Variants in ZNF446 observed in about 807,000 individuals in gnomAD.
The protein encoded by ZNF446 is zinc finger protein with KRAB and SCAN domains 20.
A neutral mutation model predicts 34.0 loss-of-function variants in ZNF446; 42 were observed. The ratio of observed to expected loss-of-function variants is 1.23; its 90% confidence interval spans 0.96 to 1.60. The LOEUF (loss-of-function observed/expected upper bound fraction) is 1.60, where lower values mean the gene tolerates loss of function less well. Ranked by LOEUF, ZNF446 falls within the 40% of genes most tolerant of loss-of-function variation. ZNF446 has a pLI of 0.00. For synonymous variants in ZNF446, 315 were observed against 251.0 expected (o/e 1.25, Z -2.41); for missense variants, 650 against 600.2 (o/e 1.08, Z -0.87).
At chr19:58,476,805 C>A (rs2053089950) in intron 1 of ZNF446, among the ~76,000 whole-genome samples, 2 of 152,074 alleles carry the variant, frequency 1.3e-5, no homozygotes, top group African/African-American at 4.8e-5. Flanking sequence ...CCACCCTGGT[C>A]CACTCTCCTC....
chr19:58,486,705 A>AG, the ZNF446 span, among the ~76,000 whole-genome samples: 10 of 121,924 alleles, frequency 8.2e-5, no homozygotes, highest in African/African-American at 3.6e-4. Flanking sequence ...CACCGCACCC[A>AG]GCTTTTTTTT....
chr19:58,488,673 A>G, the ZNF446 span, among the ~76,000 whole-genome samples: 1 of 152,016 alleles, frequency 6.6e-6, no homozygotes, highest in East Asian at 1.9e-4. Context: ...AACATGGTGG[A>G]ACCCCGTCTC....
intron 1 of ZNF446, 25 bp from the exon 2 acceptor site, chr19:58,477,154 C>A: frequency 7.1e-7 from 1 of 1,412,796 alleles, no homozygotes; most frequent in Non-Finnish European, 9.5e-7. Flanking sequence ...TCTTGGCTGA[C>A]ATTCCGACCC....
rs902903553 is a variant in ZNF446, at chr19:58,477,123, T to C, written c.-40-56T>C. ...AGCCCCCTGGGCTGAGCCTGGTGTCTGCCTTCCCCTGGCCAGATTCTCTTG... is the reference window on the plus strand; with the variant it reads ...AGCCCCCTGGGCTGAGCCTGGTGTCCGCCTTCCCCTGGCCAGATTCTCTTG... On this transcript the variant is annotated intron_variant, in intron 1 of 6. Coordinates refer to ENST00000594369, the MANE Select transcript of ZNF446 (RefSeq NM_017908.4). 52 of 1,142,128 alleles carry C rather than the reference T, an allele frequency of 4.6e-5. No individual in the cohort carries two copies. The Middle Eastern group carries it at 1.5e-3, about 34-fold the overall frequency. 70.7% of individuals were successfully genotyped at this position (1,142,128 alleles called of 1,614,324 possible).
In ZNF446 at chr19:58,478,182, G is replaced by A; in HGVS notation, c.627+1G>A. ...ATCCTTCCACCCACCCAGGATTCAG[G>A]TGAGCAGCCCCAAGTGGGAAGTATA... is the stretch of plus-strand genomic sequence containing the variant. On this transcript the variant is annotated splice_donor_variant, in intron 4 of 6. Coordinates refer to ENST00000594369, the MANE Select transcript of ZNF446 (RefSeq NM_017908.4). LOFTEE classifies it high-confidence loss of function. The A allele has an allele frequency of 6.2e-7, 1 of 1,613,680 alleles. No individual in the cohort carries two copies. Among genetic ancestry groups the A allele is most frequent in the Non-Finnish European group, 8.5e-7 (1 of 1,179,704 alleles).
downstream of ZNF446, among the ~76,000 whole-genome samples, chr19:58,482,526 G>A (rs931494451): frequency 6.6e-6 from 1 of 152,182 alleles, no homozygotes; most frequent in Non-Finnish European, 1.5e-5. Context: ...CCAGCTGCTG[G>A]TATGTGCAGC....
Position 58,477,203 on chromosome 19 carries a change from AC to A in ZNF446, c.-11del. On this transcript the variant is annotated 5_prime_UTR_variant, in exon 2 of 7. Coordinates refer to ENST00000594369, the MANE Select transcript of ZNF446 (RefSeq NM_017908.4). ...GGCCCATCTTGACGATTCCAAGACC[AC>A]CCCCTTGAGCAAGAATGCCATCCCC... 6.5e-7 allele frequency: 1 copy of A among 1,531,440 alleles called. No individual in the cohort carries two copies. 94.9% of individuals were successfully genotyped at this position (1,531,440 alleles called of 1,614,324 possible).
rs2053102446 is a variant in ZNF446 at position 58,477,806 on chromosome 19, A to G, written c.512A>G (p.Asn171Ser). The part of the protein sequence containing the change: ...QLSCSVKEEP[N>S]VDGQEVAPSS... ...AGCTGCAGTGTGAAGGAGGAGCCCA[A>G]TGTCGATGGACAGGAAGTGGGTGAG... Residue 171 changes from asparagine to serine, a missense_variant, in exon 3 of 7, where the codon AAT (asparagine) becomes AGT (serine). Transcript: ENST00000594369. 1 of 1,572,040 alleles carries G rather than the reference A, an allele frequency of 6.4e-7. No individual in the cohort carries two copies. Among genetic ancestry groups the G allele is most frequent in the Middle Eastern group, 1.7e-4 (1 of 5,844 alleles).
At position 58,480,299 on chromosome 19, in the gene ZNF446, C is replaced by T. The variant is rs530628451; in HGVS notation, c.926C>T (p.Pro309Leu). 1.4e-5 allele frequency: 22 copies of T among 1,578,250 alleles called. No homozygotes were observed. Among genetic ancestry groups the T allele is most frequent in the South Asian group, 5.7e-5 (5 of 87,292 alleles). Reference sequence around the variant, plus strand: ...GCCCCCACTGTGCGCCCAGGGACACCGCCAGTGCCCACTCAGCCCACACCT... The same window carrying T: ...GCCCCCACTGTGCGCCCAGGGACACTGCCAGTGCCCACTCAGCCCACACCT... ...TPAPTVRPGT[P>L]PVPTQPTPAE... Residue 309 changes from proline to leucine, a missense_variant, in exon 7 of 7, where the codon CCG becomes CTG. Transcript: ENST00000594369. This position sits in a 1 kb window ranked among gnomAD's most constrained non-coding sequence, Gnocchi z 7.2.
At chr19:58,478,579 G>T (rs1297948883) in intron 4 of ZNF446, among the ~76,000 whole-genome samples, 1 of 151,862 alleles carries the variant, frequency 6.6e-6, no homozygotes, top group Non-Finnish European at 1.5e-5. Flanking sequence ...CAGGACAATT[G>T]CTTGAACCCA....
chr19:58,476,534 G>A (rs1000760193), intron 1 of ZNF446, 30 bp downstream of exon 1: 26 of 152,250 alleles, frequency 1.7e-4, no homozygotes, highest in African/African-American at 5.3e-4. Flanking sequence ...GACCTTCAGG[G>A]CCGGGATGCT....
At chr19:58,478,812 A>G (rs2053112319) in intron 4 of ZNF446, among the ~76,000 whole-genome samples, 1 of 151,726 alleles carries the variant, frequency 6.6e-6, no homozygotes, top group African/African-American at 2.4e-5. Context: ...AGACCTGGGG[A>G]TTTGAACTTT....
At chr19:58,482,149 C>A (rs2053145024), downstream of ZNF446, among the ~76,000 whole-genome samples, 1 of 152,112 alleles carries the variant, frequency 6.6e-6, no homozygotes, top group African/African-American at 2.4e-5. Context: ...AGAGAATAAT[C>A]CATTTTGTTG....
intron 3 of ZNF446, 111 bp from the exon 4 acceptor site, chr19:58,477,976 A>G: frequency 7.5e-7 from 1 of 1,329,176 alleles, no homozygotes; most frequent in Non-Finnish European, 1.0e-6. Flanking sequence ...CCTGGGAGGC[A>G]GGAGCCAAGG....
chr19:58,487,083 G>A, the ZNF446 span, among the ~76,000 whole-genome samples: 2 of 152,176 alleles, frequency 1.3e-5, no homozygotes, highest in Admixed American at 6.5e-5. Flanking sequence ...GAGCCACTGC[G>A]CCTGGCCGAA....
At chr19:58,484,270 C>CG (rs2053157649), downstream of ZNF446, among the ~76,000 whole-genome samples, 1 of 98,298 alleles carries the variant, frequency 1.0e-5, no homozygotes, top group Admixed American at 1.1e-4. Flanking sequence ...GACCCCATCT[C>CG]TAAAAAAAAA....
rs764979884 is a variant in ZNF446 at position 58,480,363 on chromosome 19, G to A, written c.990G>A (p.Lys330=). ...TGGAGCCGGCTGCCACCCCCAGGAA[G>A]CCCTACACGTGCGAGCAGTGTGGCC... The part of the protein sequence containing the change: ...TRLEPAATPR[K]PYTCEQCGRG... Residue 330 remains lysine (K), a synonymous_variant, in exon 7 of 7, where the codon AAG becomes AAA. Coordinates refer to ENST00000594369, the MANE Select transcript of ZNF446 (RefSeq NM_017908.4). This position sits in a 1 kb window ranked among gnomAD's most constrained non-coding sequence, Gnocchi z 7.2. The A allele has an allele frequency of 1.9e-6, 3 of 1,606,164 alleles. No homozygotes were observed. Among genetic ancestry groups the A allele is most frequent in the Middle Eastern group, 1.7e-4 (1 of 6,050 alleles).
At chr19:58,487,568 G>C in the ZNF446 span, among the ~76,000 whole-genome samples, 3 of 152,132 alleles carry the variant, frequency 2.0e-5, no homozygotes, top group Admixed American at 2.0e-4. Context: ...CAGCACTTTG[G>C]GAGGTCGAGG....
chr19:58,478,356 G>A (rs1004727156), intron 4 of ZNF446, among the ~76,000 whole-genome samples, 175 bp downstream of exon 4: 1 of 152,164 alleles, frequency 6.6e-6, no homozygotes, highest in Non-Finnish European at 1.5e-5. Flanking sequence ...GGACAGACTG[G>A]TGATCTATTA....
Sources: allele counts gnomAD v4.1 joint callset (sites outside exome capture counted in the v4.1 genomes callset), GRCh38; gene constraint gnomAD v4.1.1; non-coding constraint Gnocchi (gnomAD v3.1); transcripts MANE v1.5; gene names NCBI Gene and HGNC (gene_info 2026-07-23, HGNC 2026-07-21).